Variants in DAAM1 observed in about 807,000 individuals in gnomAD.
The protein encoded by DAAM1 is dishevelled associated activator of morphogenesis 1, also known as disheveled-associated activator of morphogenesis 1.
Under a neutral mutation model 130.0 loss-of-function variants are expected in DAAM1, and 52 were observed. The observed-to-expected ratio is 0.40, with a 90% confidence interval of 0.32 to 0.50. The LOEUF is 0.50. DAAM1 is among the 20% of genes least tolerant of loss of function. The pLI is 0.61. For missense variants in DAAM1, 1,134 were observed against 1,303.8 expected (o/e 0.87, Z 2.01); for synonymous variants, 452 against 444.5 (o/e 1.02, Z -0.21).
intron 2 of DAAM1, among the ~76,000 whole-genome samples, chr14:59,280,535 C>CTTTTTTTTTTTTTTTTTTTTTT (rs35354608): frequency 1.3e-4 from 12 of 90,652 alleles, no homozygotes; most frequent in East Asian, 3.5e-4. Flanking sequence ...GCACACCTTC[C>CTTTTTTTTTTTTTTTTTTTTTT]TTTTTTTTTT....
chr14:59,210,152 A>C (rs1042374180), intron 1 of DAAM1, among the ~76,000 whole-genome samples: 2 of 152,102 alleles, frequency 1.3e-5, no homozygotes, highest in African/African-American at 4.8e-5. Context: ...TAAAACAAAC[A>C]AACAAAAAAA....
intron 3 of DAAM1, among the ~76,000 whole-genome samples, chr14:59,309,699 T>TA (rs1237161318): frequency 1.3e-5 from 2 of 152,226 alleles, no homozygotes; most frequent in Non-Finnish European, 1.5e-5. Flanking sequence ...TCTGGCTCCT[T>TA]ACAGGAAAAG....
At position 59,203,019 on chromosome 14, in the gene DAAM1, C is replaced by A. The variant is rs922510455; in HGVS notation, c.-38+14251C>A. 5.4e-5 allele frequency among the ~76,000 whole-genome samples: 8 copies of A among 148,522 alleles called. No homozygotes were observed. The South Asian group carries it at 8.5e-4, about 16-fold the overall frequency. On this transcript the variant is annotated intron_variant, in intron 1 of 24. Transcript: ENST00000360909. ...TCTTTTTTTTTTTTTTGAGATGGAA[C>A]CTCGCTCTGTCACCCAGGCTGGAGT...
intron 1 of DAAM1, among the ~76,000 whole-genome samples, chr14:59,252,614 T>C (rs970650911): frequency 2.0e-5 from 3 of 152,202 alleles, no homozygotes; most frequent in Non-Finnish European, 2.9e-5. Flanking sequence ...GAATTTACTC[T>C]GCTGATACAC....
intron 2 of DAAM1, among the ~76,000 whole-genome samples, chr14:59,290,647 C>T (rs559336833): frequency 4.6e-5 from 7 of 152,292 alleles, no homozygotes; most frequent in African/African-American, 1.2e-4. Context: ...TAAAGCTTTC[C>T]GCTATTCACT....
rs935569016 is a variant in DAAM1, at chr14:59,223,989, G to C, written c.-38+35221G>C. Among the ~76,000 whole-genome samples, 3 of 152,192 alleles carry C rather than the reference G, an allele frequency of 2.0e-5. No homozygotes were observed. The East Asian group carries it at 5.8e-4, about 29-fold the overall frequency. ...GTGTAATGGTCCAGTGTGATGTCTT[G>C]TGGAAGGGAAAGGTGATCAAGATCC... On this transcript the variant is annotated intron_variant, in intron 1 of 24. Coordinates refer to ENST00000360909, the MANE Select transcript of DAAM1 (RefSeq NM_001270520.2).
At chr14:59,302,170 G>C (rs1263162062) in intron 3 of DAAM1, among the ~76,000 whole-genome samples, 1 of 152,150 alleles carries the variant, frequency 6.6e-6, no homozygotes, top group East Asian at 1.9e-4. Context: ...GAATATCCAA[G>C]CACTTTAGTT....
At chr14:59,331,783 C>A in intron 14 of DAAM1, 30 bp from the exon 15 acceptor site, 1 of 1,600,734 alleles carries the variant, frequency 6.2e-7, no homozygotes, top group Non-Finnish European at 8.5e-7. Flanking sequence ...TAACTGTAAA[C>A]TATAGCACTT....
In DAAM1 at chr14:59,330,583, G is replaced by C. The variant is rs376568708; in HGVS notation, c.1455G>C (p.Gln485His). 89 of 1,613,888 alleles carry C rather than the reference G, an allele frequency of 5.5e-5. No homozygotes were observed. Among genetic ancestry groups the C allele is most frequent in the Non-Finnish European group, 6.9e-5 (81 of 1,179,964 alleles). ...CTCAAGAGAAGGAAGAGATGATGCAGACCTTAAATAAAATGAAAGAGAAAC... is the reference window on the plus strand; with the variant it reads ...CTCAAGAGAAGGAAGAGATGATGCACACCTTAAATAAAATGAAAGAGAAAC... ...AKTQEKEEMM[Q>H]TLNKMKEKLE... The change falls in exon 13 of 25, where the codon CAG becomes CAC. Residue 485 changes from glutamine (Q) to histidine (H), a missense_variant. Coordinates refer to ENST00000360909, the MANE Select transcript of DAAM1 (RefSeq NM_001270520.2).
chr14:59,278,701 G>A (rs1484682544), intron 2 of DAAM1, among the ~76,000 whole-genome samples: 1 of 152,126 alleles, frequency 6.6e-6, no homozygotes, highest in Non-Finnish European at 1.5e-5. Context: ...AACATTGCCT[G>A]TTGCTTGGCC....
At position 59,331,139 on chromosome 14, in the gene DAAM1, C is replaced by T. The variant is rs3736823; in HGVS notation, c.1561-70C>T. 162 of 1,563,400 alleles carry T rather than the reference C, an allele frequency of 1.0e-4. 1 individual carries two copies. The East Asian group carries it at 3.6e-3, about 35-fold the overall frequency. ...ATAATAAACATTTTAGGCCAAGTTACAGACTCTTAAATCATTCAATGAATT... is the reference window on the plus strand; with the variant it reads ...ATAATAAACATTTTAGGCCAAGTTATAGACTCTTAAATCATTCAATGAATT... On this transcript the variant is annotated intron_variant, in intron 13 of 24. Transcript: ENST00000360909.
intron 2 of DAAM1, among the ~76,000 whole-genome samples, chr14:59,284,626 A>G (rs1358184524): frequency 6.6e-6 from 1 of 152,128 alleles, no homozygotes; most frequent in Non-Finnish European, 1.5e-5. Context: ...GAAAGAACCA[A>G]ACTGAACTTC....
At chr14:59,323,409 T>C (rs1885094494) in intron 6 of DAAM1, among the ~76,000 whole-genome samples, 184 bp downstream of exon 6, 1 of 152,234 alleles carries the variant, frequency 6.6e-6, no homozygotes. Flanking sequence ...ATACTTTCAA[T>C]AGTTGATGAA....
In DAAM1 at chr14:59,312,425, G is replaced by A. The variant is rs2139601185; in HGVS notation, c.274-2855G>A. 3.3e-5 allele frequency among the ~76,000 whole-genome samples: 5 copies of A among 152,314 alleles called. No individual in the cohort carries two copies. The South Asian group carries it at 1.0e-3, about 32-fold the overall frequency. ...GGAAATGAAAACTGAGTCACAAAGA[G>A]GTTACTTAAGAGTCACATAGCTAGT... On this transcript the variant is annotated intron_variant, in intron 3 of 24. Coordinates refer to ENST00000360909, the MANE Select transcript of DAAM1 (RefSeq NM_001270520.2).
chr14:59,333,101 T>G (rs1181837420), intron 15 of DAAM1, among the ~76,000 whole-genome samples: 5 of 152,156 alleles, frequency 3.3e-5, no homozygotes, highest in Admixed American at 2.6e-4. Flanking sequence ...TTTGTTTTGT[T>G]TTTCAAAATG....
intron 20 of DAAM1, among the ~76,000 whole-genome samples, chr14:59,357,606 G>A (rs183671438): frequency 1.1e-4 from 17 of 152,184 alleles, no homozygotes; most frequent in Admixed American, 7.9e-4. Flanking sequence ...GTGAAACCTC[G>A]TCTCTACTAC....
chr14:59,369,434 G>A lies in DAAM1; in HGVS notation c.*575G>A, dbSNP rs1472087384. 6.6e-6 allele frequency: 1 copy of A among 152,546 alleles called. No individual in the cohort carries two copies. The highest frequency in any genetic ancestry group is 2.4e-5 in the African/African-American group (1 of 41,404). 9.4% of individuals were successfully genotyped at this position (152,546 alleles called of 1,614,324 possible). On this transcript the variant is annotated 3_prime_UTR_variant, in exon 25 of 25. Transcript: ENST00000360909. Reference sequence around the variant, plus strand: ...TTTGAATTTCTGACATTGGTGTGGGGATACAGTCTGTAAATGTTTATTGAG... The same window carrying A: ...TTTGAATTTCTGACATTGGTGTGGGAATACAGTCTGTAAATGTTTATTGAG...
At chr14:59,219,880 C>G (rs79184350) in intron 1 of DAAM1, among the ~76,000 whole-genome samples, 1 of 152,128 alleles carries the variant, frequency 6.6e-6, no homozygotes, top group Admixed American at 6.6e-5. Flanking sequence ...TCTGGACATG[C>G]CTTTATTCAT....
At chr14:59,318,493 A>G (rs547991899) in intron 4 of DAAM1, among the ~76,000 whole-genome samples, 28 of 150,578 alleles carry the variant, frequency 1.9e-4, no homozygotes, top group African/African-American at 6.4e-4. Context: ...CATACTAGAT[A>G]TTTGGCATAG....
Sources: allele counts gnomAD v4.1 joint callset (sites outside exome capture counted in the v4.1 genomes callset), GRCh38; gene constraint gnomAD v4.1.1; transcripts MANE v1.5; gene names NCBI Gene and HGNC (gene_info 2026-07-23, HGNC 2026-07-21).